The following DNAH7 variants were observed in gnomAD, a reference collection of about 807,000 sequenced individuals.
DNAH7 encodes dynein axonemal heavy chain 7.
Under a neutral mutation model 444.6 loss-of-function variants are expected in DNAH7, and 397 were observed. That is an observed-to-expected ratio of 0.89 (90% CI 0.82 to 0.97). The LOEUF (loss-of-function observed/expected upper bound fraction) is 0.97. Ranked by LOEUF, DNAH7 falls within the 50% of genes least tolerant of loss-of-function variation. DNAH7 has a pLI of 0.00. For missense variants in DNAH7, 4,902 were observed against 4,800.8 expected (o/e 1.02, Z -0.62); for synonymous variants, 1,636 against 1,624.4 (o/e 1.01, Z -0.17).
intron 21 of DNAH7, 103 bp downstream of exon 21, chr2:195,934,488 C>T (rs1574815425): frequency 1.7e-6 from 2 of 1,210,730 alleles, no homozygotes; most frequent in African/African-American, 1.5e-5. Context: ...TAATTCCATG[C>T]CTCCATTTCT....
intron 19 of DNAH7, among the ~76,000 whole-genome samples, chr2:195,952,989 T>C (rs1481064197): frequency 6.6e-6 from 1 of 152,216 alleles, no homozygotes; most frequent in Non-Finnish European, 1.5e-5. Flanking sequence ...CAAGGAGTTG[T>C]AATCCTTTGG....
chr2:195,843,226 TCAA>T (rs1478645401), intron 47 of DNAH7, among the ~76,000 whole-genome samples: 4 of 152,310 alleles, frequency 2.6e-5, no homozygotes, highest in African/African-American at 9.6e-5. Flanking sequence ...GTTAAGTAAT[TCAA>T]CAACGAGCTG....
At chr2:195,802,720 A>G (rs979046998) in intron 54 of DNAH7, among the ~76,000 whole-genome samples, 2 of 152,108 alleles carry the variant, frequency 1.3e-5, no homozygotes, top group African/African-American at 4.8e-5. Context: ...AAAATTTTGT[A>G]TAAACTTATA....
In DNAH7 at chr2:195,865,280, G is replaced by A. The variant is rs536842297; in HGVS notation, c.6634-259C>T. Among the ~76,000 whole-genome samples, 9 of 152,296 alleles carry A rather than the reference G, an allele frequency of 5.9e-5. No homozygotes were observed. The South Asian group carries it at 1.9e-3, about 32-fold the overall frequency. On this transcript the variant is annotated intron_variant, in intron 40 of 64. Coordinates refer to ENST00000312428, the MANE Select transcript of DNAH7 (RefSeq NM_018897.3). The stretch of plus-strand genomic sequence containing the variant: ...TTTGGGGGTGGGAGCTGAAGCAGAT[G>A]TAGAGATGCTAAGAGAATTAAGGCC...
In DNAH7 at chr2:195,923,643, G is replaced by T. The variant is rs750915861; in HGVS notation, c.3777C>A (p.Ser1259Arg). The T allele has an allele frequency of 2.5e-6, 4 of 1,614,044 alleles. No homozygotes were observed. The East Asian group carries it at 8.9e-5, about 36-fold the overall frequency. Reference protein sequence around the residue: ...VLSSLVKKNISDDSDFEWLSQ... With the variant: ...VLSSLVKKNIRDDSDFEWLSQ... ...TTAACCATTCAAAGTCAGAGTCATC[G>T]CTAATATTTTTTTTTACAAGTGATG... Residue 1259 changes from serine to arginine, a missense_variant, in exon 23 of 65, where the codon AGC (serine) becomes AGA (arginine). By Grantham distance (110) the Ser-to-Arg change is moderately radical. Transcript: ENST00000312428.
chr2:195,829,127 T>G (rs1697938094), intron 48 of DNAH7, among the ~76,000 whole-genome samples: 1 of 152,154 alleles, frequency 6.6e-6, no homozygotes, highest in African/African-American at 2.4e-5. Context: ...TGTTATTTTG[T>G]TGTTTTGTTT....
chr2:195,879,811 T>C (rs1180408504), intron 36 of DNAH7, among the ~76,000 whole-genome samples: 1 of 152,198 alleles, frequency 6.6e-6, no homozygotes, highest in Non-Finnish European at 1.5e-5. Flanking sequence ...GAGAAATAGC[T>C]ATAATGAATA....
chr2:195,799,146 G>T, intron 55 of DNAH7, 150 bp downstream of exon 55: 1 of 592,614 alleles, frequency 1.7e-6, no homozygotes, highest in East Asian at 3.2e-5. Flanking sequence ...TGCCATTTTA[G>T]TATCATTTTC....
chr2:195,859,104 T>C (rs903585538), intron 42 of DNAH7, among the ~76,000 whole-genome samples: 4 of 152,232 alleles, frequency 2.6e-5, no homozygotes, highest in Non-Finnish European at 4.4e-5. Flanking sequence ...AGGAGTCTCC[T>C]GTATCAAAAT....
chr2:196,047,751 CTAT>C (rs2125852151), intron 4 of DNAH7, among the ~76,000 whole-genome samples: 1 of 151,076 alleles, frequency 6.6e-6, no homozygotes, highest in African/African-American at 2.4e-5. Context: ...ATAAAATTTT[CTAT>C]TATATTTACA....
At chr2:195,847,127 T>TATATCTTATATATATATCAGATATATAC (rs1699047196) in intron 46 of DNAH7, among the ~76,000 whole-genome samples, 3 of 147,492 alleles carry the variant, frequency 2.0e-5, no homozygotes, top group East Asian at 3.9e-4. Flanking sequence ...CGGATATATA[T>TATATCTTATATATATATCAGATATATAC]ATATCTTATA....
intron 24 of DNAH7, among the ~76,000 whole-genome samples, chr2:195,921,128 C>T (rs1484718629): frequency 1.3e-5 from 2 of 152,142 alleles, no homozygotes; most frequent in African/African-American, 2.4e-5. Flanking sequence ...GTAAACTATA[C>T]AACCACTATG....
rs1276586086 is a variant in DNAH7 at position 195,960,949 on chromosome 2, A to C, written c.2206-4T>G. The stretch of plus-strand genomic sequence containing the variant: ...CTTCAGCATTAAACTGCTCAATCTG[A>C]AAGGATAAGTATTGAATATATTAGT... On this transcript the variant is annotated splice_region_variant and splice_polypyrimidine_tract_variant and intron_variant, in intron 17 of 64. Coordinates refer to ENST00000312428, the MANE Select transcript of DNAH7 (RefSeq NM_018897.3). 1.3e-6 allele frequency: 2 copies of C among 1,572,054 alleles called. No homozygotes were observed. The highest frequency in any genetic ancestry group is 1.7e-6 in the Non-Finnish European group (2 of 1,158,872).
At chr2:196,051,526 G>A (rs1295775991) in intron 2 of DNAH7, among the ~76,000 whole-genome samples, 1 of 152,170 alleles carries the variant, frequency 6.6e-6, no homozygotes, top group Admixed American at 6.5e-5. Context: ...CCAGCACTCT[G>A]GGAGGCTGAG....
intron 19 of DNAH7, among the ~76,000 whole-genome samples, chr2:195,939,612 A>C (rs1006460409): frequency 3.9e-5 from 6 of 152,096 alleles, no homozygotes. Flanking sequence ...CTGTCTCCTA[A>C]AGGGGAAGAA....
chr2:196,054,659 A>G (rs1398561933), intron 2 of DNAH7, among the ~76,000 whole-genome samples: 2 of 152,152 alleles, frequency 1.3e-5, no homozygotes, highest in African/African-American at 4.8e-5. Context: ...CTGTGTCCCA[A>G]CCCAAATCTC....
rs1418282287 is a variant in DNAH7, at chr2:195,864,527, C to G, written c.7128G>C (p.Trp2376Cys). ...EISKGYDTTE[W>C]HEDLKVILRK... ...TTAAGATCACTTTTAAATCTTCATG[C>G]CATTCAGTAGTATCATACCCCTTAG... Residue 2376 changes from tryptophan (W) to cysteine (C), a missense_variant, in exon 41 of 65, where the codon TGG becomes TGC. By Grantham distance (215) the Trp-to-Cys change is radical. Transcript: ENST00000312428. 1 of 1,614,052 alleles carries G rather than the reference C, an allele frequency of 6.2e-7. No individual in the cohort carries two copies. The highest frequency in any genetic ancestry group is 1.7e-5 in the Admixed American group (1 of 60,000).
At position 196,039,256 on chromosome 2, in the gene DNAH7, C is replaced by T. The variant is rs139248280; in HGVS notation, c.398+8096G>A. Among the ~76,000 whole-genome samples the T allele has an allele frequency of 2.5e-3, 376 of 152,118 alleles. 1 individual carries two copies. Among genetic ancestry groups the T allele is most frequent in the African/African-American group, 8.5e-3 (354 of 41,486 alleles). On this transcript the variant is annotated intron_variant, in intron 5 of 64. Transcript: ENST00000312428. ...AGGGACATTAAATACCAAGCAACCA[C>T]TGGATCAATGAAAACATTAAGATGG...
intron 25 of DNAH7, among the ~76,000 whole-genome samples, chr2:195,908,580 C>A (rs2125298617): frequency 6.6e-6 from 1 of 152,148 alleles, no homozygotes; most frequent in African/African-American, 2.4e-5. Context: ...ACCTCTAGTT[C>A]CATCCATGTT....
Sources: allele counts gnomAD v4.1 joint callset (sites outside exome capture counted in the v4.1 genomes callset), GRCh38; gene constraint gnomAD v4.1.1; transcripts MANE v1.5; gene names NCBI Gene and HGNC (gene_info 2026-07-23, HGNC 2026-07-21).